SOX7: variants seen among roughly 807,000 people sequenced by gnomAD.
SOX7 encodes the protein transcription factor SOX-7.
A neutral mutation model predicts 24.9 loss-of-function variants in SOX7; 19 were observed. That is an observed-to-expected ratio of 0.76 (90% CI 0.53 to 1.12). The LOEUF (loss-of-function observed/expected upper bound fraction) is 1.12, where lower values mean the gene tolerates loss of function less well. Among genes scored for constraint, SOX7 ranks in the 50% most tolerant of loss-of-function variants. The pLI, the probability that SOX7 is intolerant of heterozygous loss-of-function variation, is 0.00. For synonymous variants in SOX7, 327 were observed against 244.5 expected (o/e 1.34, Z -3.15); for missense variants, 702 against 535.0 (o/e 1.31, Z -3.08).
Position 10,725,820 on chromosome 8 carries a change from G to T in SOX7, c.1085C>A (p.Pro362Gln), listed in dbSNP as rs572273794. 4.6e-5 allele frequency: 75 copies of T among 1,614,220 alleles called. No homozygotes were observed. Among genetic ancestry groups the T allele is most frequent in the Admixed American group, 3.0e-4 (18 of 60,036 alleles). The change falls in exon 2 of 2, where the codon CCA becomes CAA. Residue 362 changes from proline to glutamine, a missense_variant. Physicochemically the swap from Pro to Gln is moderately conservative, Grantham distance 76 (BLOSUM62 -1). Coordinates refer to ENST00000304501, the MANE Select transcript of SOX7 (RefSeq NM_031439.4). Reference sequence around the variant, plus strand: ...GAGGCTGGTCTCTGTGGGACCCGTTGGTGTCACCTGGGAGACCGGAACATG... The same window carrying T: ...GAGGCTGGTCTCTGTGGGACCCGTTTGTGTCACCTGGGAGACCGGAACATG... ...SGHVPVSQVT[P>Q]TGPTETSLIS...
At chr8:10,729,975 C>G (rs1800228030) in intron 1 of SOX7, among the ~76,000 whole-genome samples, 1 of 152,090 alleles carries the variant, frequency 6.6e-6, no homozygotes, top group South Asian at 2.1e-4. Context: ...CTGCCCGCCG[C>G]GCGGTTTCAC....
At chr8:10,729,342 T>G (rs1335928141) in intron 1 of SOX7, 1 of 152,112 alleles carries the variant, frequency 6.6e-6, no homozygotes, top group Non-Finnish European at 1.5e-5. Flanking sequence ...GCTTTGAAAG[T>G]TTTTCGCGGA....
Position 10,726,005 on chromosome 8 carries a change from C to T in SOX7, c.900G>A (p.Leu300=), listed in dbSNP as rs777682161. 3 of 1,591,542 alleles carry T rather than the reference C, an allele frequency of 1.9e-6. No individual in the cohort carries two copies. The highest frequency in any genetic ancestry group is 2.6e-6 in the Non-Finnish European group (3 of 1,167,700). Residue 300 remains leucine (L), a synonymous_variant, in exon 2 of 2, where the codon CTG becomes CTA. Coordinates refer to ENST00000304501, the MANE Select transcript of SOX7 (RefSeq NM_031439.4). ...GCTCAGGAGGCGGGGAAAGCTGGCC[C>T]AGGTGGGCTTGGAGGTTGGAGTGGA... The part of the protein sequence containing the change: ...HPLHSNLQAH[L]GQLSPPPEHP...
Position 10,725,899 on chromosome 8 carries a change from A to T in SOX7, c.1006T>A (p.Leu336Met), listed in dbSNP as rs1260751512. ...GAGTCTGGGTGGCCAGGAGTGTTCAAATACTGGTCGAATTCATTGCGATCC... is the reference window on the plus strand; with the variant it reads ...GAGTCTGGGTGGCCAGGAGTGTTCATATACTGGTCGAATTCATTGCGATCC... ...DMDRNEFDQY[L>M]NTPGHPDSAT... Residue 336 changes from leucine (L) to methionine (M), a missense_variant, in exon 2 of 2, where the codon TTG becomes ATG. Coordinates refer to ENST00000304501, the MANE Select transcript of SOX7 (RefSeq NM_031439.4). The T allele has an allele frequency of 6.2e-7, 1 of 1,614,190 alleles. No individual in the cohort carries two copies. Among genetic ancestry groups the T allele is most frequent in the South Asian group, 1.1e-5 (1 of 91,084 alleles).
At position 10,729,651 on chromosome 8, in the gene SOX7, T is replaced by A. The variant is rs57801055; in HGVS notation, c.238+545A>T. 5 of 152,410 alleles carry A rather than the reference T, an allele frequency of 3.3e-5. No individual in the cohort carries two copies. In the East Asian group the frequency reaches 9.7e-4, roughly 29 times the overall value. 9.4% of individuals were successfully genotyped at this position (152,410 alleles called of 1,614,324 possible). A position where few individuals can be genotyped will look rare whatever the true frequency, so the allele number is the denominator to read the frequency against. On this transcript the variant is annotated intron_variant, in intron 1 of 1. Coordinates refer to ENST00000304501, the MANE Select transcript of SOX7 (RefSeq NM_031439.4). ...TTTGGGTAAGCTTTTTCTTTTGTTT[T>A]GTTTTCCTCTTAATTGTTTAGTTAA...
In SOX7 at chr8:10,724,585, G is replaced by T. The variant is rs914323457; in HGVS notation, c.*1153C>A. On this transcript the variant is annotated 3_prime_UTR_variant, in exon 2 of 2. Coordinates refer to ENST00000304501, the MANE Select transcript of SOX7 (RefSeq NM_031439.4). ...TCCTTTTAGGTACCCTGGGTCTTTG[G>T]TCATTAGAAACAGGGAGTTGGCAAC... The T allele has an allele frequency of 6.6e-6, 1 of 152,148 alleles. No individual in the cohort carries two copies. The highest frequency in any genetic ancestry group is 2.4e-5 in the African/African-American group (1 of 41,428). 9.4% of individuals were successfully genotyped at this position (152,148 alleles called of 1,614,324 possible).
rs748400807 is a variant in SOX7, at chr8:10,726,349, C to T, written c.556G>A (p.Gly186Ser). 23 of 1,612,570 alleles carry T rather than the reference C, an allele frequency of 1.4e-5. No individual in the cohort carries two copies. Among genetic ancestry groups the T allele is most frequent in the Non-Finnish European group, 1.9e-5 (22 of 1,179,570 alleles). The change falls in exon 2 of 2, where the codon GGC (glycine) becomes AGC (serine). Residue 186 changes from glycine (G) to serine (S), a missense_variant. Transcript: ENST00000304501. ...GCYHEGPAGG[G>S]GGGTPSSVDT... is the part of the protein sequence containing the mutation. ...ACACTGCTCGGGGTGCCGCCGCCGCCACCACCAGCCGGCCCCTCGTGGTAG... is the reference window on the plus strand; with the variant it reads ...ACACTGCTCGGGGTGCCGCCGCCGCTACCACCAGCCGGCCCCTCGTGGTAG...
At chr8:10,726,971 G>C (rs1327576781) in intron 1 of SOX7, among the ~76,000 whole-genome samples, 5 of 152,224 alleles carry the variant, frequency 3.3e-5, no homozygotes, top group Non-Finnish European at 7.3e-5. Flanking sequence ...CCAGTGAAAA[G>C]CCCACCTGAC....
In SOX7 at chr8:10,725,492, G is replaced by A. The variant is rs1800123611; in HGVS notation, c.*246C>T. 1 of 557,170 alleles carries A rather than the reference G, an allele frequency of 1.8e-6. No homozygotes were observed. Among genetic ancestry groups the A allele is most frequent in the Non-Finnish European group, 3.2e-6 (1 of 313,106 alleles). 34.5% of individuals were successfully genotyped at this position (557,170 alleles called of 1,614,324 possible). On this transcript the variant is annotated 3_prime_UTR_variant, in exon 2 of 2. Transcript: ENST00000304501. ...TGGGAGACAGCAACTCTCAGGGGCT[G>A]GAGGAAAACTCACTTGAAGGAATAT...
Position 10,724,730 on chromosome 8 carries a change from T to G in SOX7, c.*1008A>C, listed in dbSNP as rs965446725. On this transcript the variant is annotated 3_prime_UTR_variant, in exon 2 of 2. Transcript: ENST00000304501. Reference sequence around the variant, plus strand: ...CAGACTGTGCATATTCTTTTTTTTTTTTTTTTCTTGAAATGGAGTTTCACT... The same window carrying G: ...CAGACTGTGCATATTCTTTTTTTTTGTTTTTTCTTGAAATGGAGTTTCACT... The G allele has an allele frequency of 2.6e-5, 4 of 152,004 alleles. No homozygotes were observed. Among genetic ancestry groups the G allele is most frequent in the Admixed American group, 6.6e-5 (1 of 15,260 alleles). 9.4% of individuals were successfully genotyped at this position (152,004 alleles called of 1,614,324 possible).
In SOX7 at chr8:10,723,846, T is replaced by G. The variant is rs930764821; in HGVS notation, c.*1892A>C. 3 of 152,664 alleles carry G rather than the reference T, an allele frequency of 2.0e-5. No homozygotes were observed. The highest frequency in any genetic ancestry group is 2.4e-5 in the African/African-American group (1 of 41,462). 9.5% of individuals were successfully genotyped at this position (152,664 alleles called of 1,614,324 possible). A position where few individuals can be genotyped will look rare whatever the true frequency, so the allele number is the denominator to read the frequency against. On this transcript the variant is annotated 3_prime_UTR_variant, in exon 2 of 2. Transcript: ENST00000304501. ...ACAACTGTTCCAAAGTATGAGTTGT[T>G]CTTTCAAAAAAACGAAACAGTTTAG... is the stretch of plus-strand genomic sequence containing the variant.
At chr8:10,728,962 G>A (rs1800207873) in intron 1 of SOX7, among the ~76,000 whole-genome samples, 1 of 152,238 alleles carries the variant, frequency 6.6e-6, no homozygotes, top group Admixed American at 6.5e-5. Context: ...CCAACACTGT[G>A]TAAAATACAA....
rs149613441 is a variant in SOX7, at chr8:10,727,276, C to T, written c.239-610G>A. Among the ~76,000 whole-genome samples, 173 of 152,308 alleles carry T rather than the reference C, an allele frequency of 1.1e-3. 1 individual carries two copies. Among genetic ancestry groups the T allele is most frequent in the African/African-American group, 3.8e-3 (158 of 41,572 alleles). ...CCTCTGAAGGTCGAATAGAACCCTGCTGGATGACTGAGGCCAGAATGCTAG... is the reference window on the plus strand; with the variant it reads ...CCTCTGAAGGTCGAATAGAACCCTGTTGGATGACTGAGGCCAGAATGCTAG... On this transcript the variant is annotated intron_variant, in intron 1 of 1. Coordinates refer to ENST00000304501, the MANE Select transcript of SOX7 (RefSeq NM_031439.4).
chr8:10,727,960 A>G (rs1454197485), intron 1 of SOX7, among the ~76,000 whole-genome samples: 1 of 152,246 alleles, frequency 6.6e-6, no homozygotes, highest in African/African-American at 2.4e-5. Context: ...GAGGGCAATG[A>G]TTAAGGGCAT....
In SOX7 at chr8:10,727,631, C is replaced by T. The variant is rs540021127; in HGVS notation, c.239-965G>A. On this transcript the variant is annotated intron_variant, in intron 1 of 1. Transcript: ENST00000304501. Reference sequence around the variant, plus strand: ...GCTTGTCTGTTGCTTTTCAAGTTCCCGGAGCATCTTCCCTCATCTATCAGT... The same window carrying T: ...GCTTGTCTGTTGCTTTTCAAGTTCCTGGAGCATCTTCCCTCATCTATCAGT... 1.4e-3 allele frequency among the ~76,000 whole-genome samples: 219 copies of T among 152,298 alleles called. 2 individuals are homozygous for T. Among genetic ancestry groups the T allele is most frequent in the Middle Eastern group, 6.8e-3 (2 of 294 alleles).
intron 1 of SOX7, among the ~76,000 whole-genome samples, chr8:10,728,166 G>A (rs1800191413): frequency 6.6e-6 from 1 of 152,196 alleles, no homozygotes; most frequent in African/African-American, 2.4e-5. Context: ...CTCTGTCTGT[G>A]GTCTCAATAT....
In SOX7 at chr8:10,726,088, G is replaced by A. The variant is rs758449807; in HGVS notation, c.817C>T (p.Pro273Ser). The A allele has an allele frequency of 2.8e-4, 433 of 1,564,878 alleles. No individual in the cohort carries two copies. Among genetic ancestry groups the A allele is most frequent in the Non-Finnish European group, 3.6e-4 (412 of 1,156,524 alleles). The change falls in exon 2 of 2, where the codon CCT becomes TCT. Residue 273 changes from proline to serine, a missense_variant. By Grantham distance (74) the Pro-to-Ser change is moderately conservative (BLOSUM62 -1). Coordinates refer to ENST00000304501, the MANE Select transcript of SOX7 (RefSeq NM_031439.4). ...GGAGATGGGGGACAGCCGGGTACAGGGGACATCATGGAGACGCCGGGGGAC... is the reference window on the plus strand; with the variant it reads ...GGAGATGGGGGACAGCCGGGTACAGAGGACATCATGGAGACGCCGGGGGAC... Reference protein sequence around the residue: ...GQSPGVSMMSPVPGCPPSPAY... With the variant: ...GQSPGVSMMSSVPGCPPSPAY...
intron 1 of SOX7, among the ~76,000 whole-genome samples, chr8:10,727,892 C>T (rs1243559551): frequency 2.0e-5 from 3 of 152,216 alleles, no homozygotes; most frequent in African/African-American, 7.2e-5. Flanking sequence ...GCCGTGCACA[C>T]AGCAGCCCTC....
Position 10,725,710 on chromosome 8 carries a change from G to A in SOX7, c.*28C>T. ...AAGGCACAAGAAGGAGAGGGCGCGA[G>A]GGCTGACCGGACGGGGCGCCTCCAG... On this transcript the variant is annotated 3_prime_UTR_variant, in exon 2 of 2. Coordinates refer to ENST00000304501, the MANE Select transcript of SOX7 (RefSeq NM_031439.4). The A allele has an allele frequency of 6.2e-7, 1 of 1,613,282 alleles. No individual in the cohort carries two copies. The highest frequency in any genetic ancestry group is 1.1e-5 in the South Asian group (1 of 91,048).
Sources: gnomAD v4.1 joint callset for allele counts (sites outside exome capture counted in the v4.1 genomes callset) on GRCh38, gnomAD v4.1.1 for gene constraint, MANE v1.5 for transcripts, NCBI Gene and HGNC (gene_info 2026-07-23, HGNC 2026-07-21) for gene names.